Variants in PHKA1 observed in about 807,000 individuals in gnomAD.
The protein encoded by PHKA1 is phosphorylase kinase regulatory subunit alpha 1.
Under a neutral mutation model 110.2 loss-of-function variants are expected in PHKA1, and 60 were observed. That is an observed-to-expected ratio of 0.54 (90% CI 0.44 to 0.68). The LOEUF is 0.68. Among genes scored for constraint, PHKA1 ranks in the 30% least tolerant of loss-of-function variants. The pLI, the probability that PHKA1 is intolerant of heterozygous loss-of-function variation, is 0.00. For missense variants in PHKA1, 801 were observed against 942.5 expected (o/e 0.85, Z 1.97); for synonymous variants, 316 against 333.6 (o/e 0.95, Z 0.58).
intron 4 of PHKA1, among the ~76,000 whole-genome samples, chrX:72,688,081 C>G (rs2053990020): frequency 9.0e-6 from 1 of 111,150 alleles, no homozygotes; most frequent in South Asian, 3.9e-4. Context: ...CCCGCCTAAG[C>G]CTCCCAAAGT....
chrX:72,681,451 G>A (rs2053867623), intron 5 of PHKA1, among the ~76,000 whole-genome samples: 1 of 102,325 alleles, frequency 9.8e-6, no homozygotes, highest in African/African-American at 3.5e-5. Context: ...AGGTGGGGGG[G>A]TCAGCCCCCC....
At chrX:72,585,988 C>T (rs1556212302) in intron 29 of PHKA1, among the ~76,000 whole-genome samples, 5 of 112,414 alleles carry the variant, frequency 4.4e-5, no homozygotes, top group Middle Eastern at 4.7e-3. Context: ...CCACCTCTAG[C>T]GGGAGGGCAT....
chrX:72,705,591 G>C (rs1485039836), intron 2 of PHKA1, among the ~76,000 whole-genome samples: 2 of 111,786 alleles, frequency 1.8e-5, no homozygotes, highest in Non-Finnish European at 3.8e-5. Context: ...TACATCCTAT[G>C]GCCTAGAAAG....
chrX:72,695,990 G>GC, intron 3 of PHKA1, 114 bp from the exon 4 acceptor site: 1 of 625,530 alleles, frequency 1.6e-6, no homozygotes, highest in Non-Finnish European at 2.7e-6. Context: ...CTATCTTCAG[G>GC]CAATTGTGAA....
chrX:72,713,998 G>T lies in PHKA1; in HGVS notation c.-118C>A. The T allele has an allele frequency of 1.7e-6, 1 of 579,473 alleles. No homozygotes were observed. The highest frequency in any genetic ancestry group is 2.9e-6 in the Non-Finnish European group (1 of 345,300). The allele number at this position is 579,473 out of a possible 1,213,427, so 47.8% of individuals were successfully genotyped here. Reference sequence around the variant, plus strand: ...CTCGTGGTGGGACGCCTGAACACCAGGCCCCGCAGAGCCCTCCCACCGCTC... The same window carrying T: ...CTCGTGGTGGGACGCCTGAACACCATGCCCCGCAGAGCCCTCCCACCGCTC... On this transcript the variant is annotated 5_prime_UTR_variant, in exon 1 of 32. In the 5' UTR this introduces an upstream ATG that the reference lacks. Coordinates refer to ENST00000373542, the MANE Select transcript of PHKA1 (RefSeq NM_002637.4).
intron 6 of PHKA1, among the ~76,000 whole-genome samples, chrX:72,669,773 A>T (rs1389267238): frequency 1.8e-5 from 2 of 109,780 alleles, no homozygotes; most frequent in African/African-American, 3.3e-5. Flanking sequence ...CTTAATCCAG[A>T]CTATCATTGT....
chrX:72,682,322 C>T lies in PHKA1; in HGVS notation c.537+2176G>A, dbSNP rs200001808. 7.0e-5 allele frequency among the ~76,000 whole-genome samples: 7 copies of T among 100,251 alleles called. No homozygotes were observed. In the Middle Eastern group the frequency reaches 0.017, roughly 250 times the overall value. 87.1% of individuals were successfully genotyped at this position (100,251 alleles called of 115,157 possible). A position where few individuals can be genotyped will look rare whatever the true frequency, so the allele number is the denominator to read the frequency against. On this transcript the variant is annotated intron_variant, in intron 5 of 31. Coordinates refer to ENST00000373542, the MANE Select transcript of PHKA1 (RefSeq NM_002637.4). ...AGCCCCCCTGCCCAGCCAGCCGCCCCGTCCGGGAGGGAGGTGGGGGGGTCA... is the reference window on the plus strand; with the variant it reads ...AGCCCCCCTGCCCAGCCAGCCGCCCTGTCCGGGAGGGAGGTGGGGGGGTCA...
At chrX:72,663,947 G>C (rs1013535380) in intron 8 of PHKA1, among the ~76,000 whole-genome samples, 4 of 109,563 alleles carry the variant, frequency 3.7e-5, no homozygotes, top group Non-Finnish European at 5.7e-5. Context: ...GAAAGAGAAA[G>C]AGAAAGAGAA....
intron 22 of PHKA1, 141 bp from the exon 23 acceptor site, chrX:72,609,844 T>C (rs1376942010): frequency 2.0e-6 from 1 of 502,042 alleles, no homozygotes; most frequent in African/African-American, 2.3e-5. Flanking sequence ...ACCATGAAGA[T>C]CAGAAAAGAA....
In PHKA1 at chrX:72,619,296, A is replaced by G. The variant is rs782723790; in HGVS notation, c.2147T>C (p.Met716Thr). The G allele has an allele frequency of 3.5e-6, 4 of 1,155,994 alleles. No individual in the cohort carries two copies. The African/African-American group carries it at 5.3e-5, about 15-fold the overall frequency. Reference sequence around the variant, plus strand: ...CTGAAATAACTTCGTAGGAAGATACATGTGAACATCTGCAAAAATATGACA... The same window carrying G: ...CTGAAATAACTTCGTAGGAAGATACGTGTGAACATCTGCAAAAATATGACA... ...AKELHVQNVH[M>T]YLPTKLFQAS... Residue 716 changes from methionine (M) to threonine (T), a missense_variant, in exon 20 of 32, where the codon ATG becomes ACG. Around this residue, in one of 2 missense-constraint regions of PHKA1, gnomAD observed 502 missense variants for 519.2 expected, o/e 0.97. Coordinates refer to ENST00000373542, the MANE Select transcript of PHKA1 (RefSeq NM_002637.4).
intron 4 of PHKA1, among the ~76,000 whole-genome samples, chrX:72,695,206 T>C (rs2054091819): frequency 9.0e-6 from 1 of 111,670 alleles, no homozygotes; most frequent in Non-Finnish European, 1.9e-5. Flanking sequence ...AAGGTCCCAT[T>C]ACTTTTATAA....
intron 12 of PHKA1, among the ~76,000 whole-genome samples, chrX:72,652,153 T>A (rs1369722994): frequency 8.9e-6 from 1 of 112,282 alleles, no homozygotes; most frequent in African/African-American, 3.2e-5. Flanking sequence ...TATCAGTTAA[T>A]TTAGTTAAAG....
intron 2 of PHKA1, among the ~76,000 whole-genome samples, chrX:72,709,656 T>A (rs1356604061): frequency 6.3e-5 from 7 of 110,514 alleles, no homozygotes; most frequent in Non-Finnish European, 1.3e-4. Context: ...ATCACCCGGG[T>A]AGTTTTTTAA....
At chrX:72,691,302 T>G (rs1014513459) in intron 4 of PHKA1, among the ~76,000 whole-genome samples, 3 of 112,675 alleles carry the variant, frequency 2.7e-5, no homozygotes, top group African/African-American at 9.6e-5. Flanking sequence ...ACTGTTTTAA[T>G]TAATATAGCT....
At chrX:72,655,115 G>T (rs1603264571) in intron 10 of PHKA1, among the ~76,000 whole-genome samples, 2 of 110,562 alleles carry the variant, frequency 1.8e-5, no homozygotes, top group African/African-American at 6.5e-5. Context: ...GATTTTTAAA[G>T]AATGCATATG....
chrX:72,661,133 T>C lies in PHKA1; in HGVS notation c.865-3492A>G, dbSNP rs181197269. Among the ~76,000 whole-genome samples the C allele has an allele frequency of 6.4e-3, 719 of 112,540 alleles. 8 individuals are homozygous for C. Among genetic ancestry groups the C allele is most frequent in the Non-Finnish European group, 0.011 (597 of 53,250 alleles). On this transcript the variant is annotated intron_variant, in intron 8 of 31. Coordinates refer to ENST00000373542, the MANE Select transcript of PHKA1 (RefSeq NM_002637.4). ...TAATCTGAGCCTTGCAAACTTTTCA[T>C]TTGGAGTTTGACCCTTTTTTGGTTG...
intron 4 of PHKA1, among the ~76,000 whole-genome samples, chrX:72,692,415 G>C (rs1296626324): frequency 1.8e-5 from 2 of 111,298 alleles, no homozygotes; most frequent in African/African-American, 6.5e-5. Context: ...TAAATAATTG[G>C]TGTTCACTCT....
Position 72,684,576 on chromosome X carries a change from G to C in PHKA1, c.459C>G (p.Leu153=), listed in dbSNP as rs782382568. Residue 153 remains leucine, a synonymous_variant, in exon 5 of 32, where the codon CTC becomes CTG. Transcript: ENST00000373542. ...CTTCATCTAGGCTGTGGATGATATG[G>C]AGTCCTGAGGAAAGAGGGAATAAAG... ...LFLAQMTASG[L]HIIHSLDEVN... The C allele has an allele frequency of 2.1e-5, 24 of 1,132,161 alleles. No individual in the cohort carries two copies. The East Asian group carries it at 6.0e-4, about 28-fold the overall frequency. The allele number at this position is 1,132,161 out of a possible 1,213,427, so 93.3% of individuals were successfully genotyped here. A position where few individuals can be genotyped will look rare whatever the true frequency, so the allele number is the denominator to read the frequency against.
At chrX:72,585,670 A>G (rs1425676519) in intron 29 of PHKA1, among the ~76,000 whole-genome samples, 3 of 112,233 alleles carry the variant, frequency 2.7e-5, no homozygotes, top group Non-Finnish European at 5.6e-5. Flanking sequence ...TTCCTAGCCA[A>G]GGGAAGCCGT....
Sources: gnomAD v4.1 joint callset for allele counts (sites outside exome capture counted in the v4.1 genomes callset) on GRCh38, gnomAD v4.1.1 for gene constraint, gnomAD v4.1.1 regional missense constraint, MANE v1.5 for transcripts, NCBI Gene and HGNC (gene_info 2026-07-23, HGNC 2026-07-21) for gene names.